MED12L: variants seen among roughly 807,000 people sequenced by gnomAD.
The protein encoded by MED12L is mediator of RNA polymerase II transcription subunit 12-like protein.
Under a neutral mutation model 281.3 loss-of-function variants are expected in MED12L, and 60 were observed. The ratio of observed to expected loss-of-function variants is 0.21; its 90% confidence interval spans 0.17 to 0.26. The LOEUF (loss-of-function observed/expected upper bound fraction) is 0.26. Ranked by LOEUF, MED12L falls within the 10% of genes least tolerant of loss-of-function variation. MED12L has a pLI of 1.00. For missense variants in MED12L, 2,146 were observed against 2,680.9 expected (o/e 0.80, Z 4.41); for synonymous variants, 974 against 987.2 (o/e 0.99, Z 0.25).
intron 43 of MED12L, among the ~76,000 whole-genome samples, chr3:151,427,065 G>T (rs73159938): frequency 2.0e-5 from 3 of 152,014 alleles, no homozygotes; most frequent in Non-Finnish European, 4.4e-5. Context: ...CTGTCTGCTC[G>T]CCTTGGCCTC....
chr3:151,386,391 G>T (rs957429173), intron 36 of MED12L, among the ~76,000 whole-genome samples: 1 of 151,864 alleles, frequency 6.6e-6, no homozygotes, highest in Non-Finnish European at 1.5e-5. Flanking sequence ...GTTTTACTTT[G>T]TTTATTTATA....
intron 17 of MED12L, among the ~76,000 whole-genome samples, chr3:151,353,907 C>T (rs185426228): frequency 0.027 from 4,042 of 151,856 alleles, 55 homozygotes; most frequent in Middle Eastern, 0.078. Flanking sequence ...TTTGGGAGGC[C>T]GAGGCGGGCG....
chr3:151,357,156 G>A, intron 19 of MED12L, 57 bp from the exon 20 acceptor site: 2 of 1,387,998 alleles, frequency 1.4e-6, no homozygotes, highest in Admixed American at 4.5e-5. Context: ...AAAAATAAAT[G>A]TTTTCTCTAT....
chr3:151,264,337 G>T (rs537082156), intron 16 of MED12L, among the ~76,000 whole-genome samples: 1 of 152,324 alleles, frequency 6.6e-6, no homozygotes, highest in South Asian at 2.1e-4. Flanking sequence ...GTAATTATTG[G>T]ACATGCCATC....
chr3:151,221,276 A>G (rs1200424386), intron 16 of MED12L, among the ~76,000 whole-genome samples: 3 of 152,240 alleles, frequency 2.0e-5, no homozygotes, highest in Admixed American at 2.0e-4. Context: ...AAAGTTCAGA[A>G]AATTTGCAGC....
chr3:151,294,418 AG>A, intron 16 of MED12L: 1 of 1,613,976 alleles, frequency 6.2e-7, no homozygotes, highest in Non-Finnish European at 8.5e-7. Flanking sequence ...AGTGACTAAA[AG>A]TAAAAGGAAT....
intron 16 of MED12L, among the ~76,000 whole-genome samples, chr3:151,274,293 C>G (rs1172146434): frequency 6.6e-6 from 1 of 152,084 alleles, no homozygotes; most frequent in East Asian, 1.9e-4. Flanking sequence ...TCAGTGGTAC[C>G]AGTTATAAGG....
chr3:151,204,566 T>A (rs943079557), intron 16 of MED12L, among the ~76,000 whole-genome samples: 1 of 152,244 alleles, frequency 6.6e-6, no homozygotes, highest in Non-Finnish European at 1.5e-5. Context: ...GGAAAGGATC[T>A]TTCTTTTAAG....
chr3:151,329,061 T>A (rs1750044657), intron 16 of MED12L: 1 of 1,312,804 alleles, frequency 7.6e-7, no homozygotes, highest in African/African-American at 1.5e-5. Flanking sequence ...CCCTTCATGA[T>A]TTTCAAATGC....
rs770785481 is a variant in MED12L at position 151,365,127 on chromosome 3, A to G, written c.3106A>G (p.Ser1036Gly). The G allele has an allele frequency of 2.4e-5, 38 of 1,613,978 alleles. No homozygotes were observed. The Admixed American group carries it at 3.3e-4, about 14-fold the overall frequency. ...INYSMLGKILSDNAANRYSFV... is the reference protein window; with the variant it reads ...INYSMLGKILGDNAANRYSFV... ...CTACTCAATGCTGGGCAAGATCCTCAGTGACAATGCGGCCAATCGCTACAG... is the reference window on the plus strand; with the variant it reads ...CTACTCAATGCTGGGCAAGATCCTCGGTGACAATGCGGCCAATCGCTACAG... The change falls in exon 22 of 45, where the codon AGT becomes GGT. Residue 1036 changes from serine (S) to glycine (G), a missense_variant. By Grantham distance (56) the Ser-to-Gly change is moderately conservative (BLOSUM62 0). Transcript: ENST00000687756.
chr3:151,197,294 G>A (rs539685735), intron 16 of MED12L, among the ~76,000 whole-genome samples: 48 of 152,234 alleles, frequency 3.2e-4, no homozygotes, highest in Non-Finnish European at 6.3e-4. Context: ...CTCCTAAGTC[G>A]CTGAGATTAC....
intron 16 of MED12L, among the ~76,000 whole-genome samples, chr3:151,264,501 T>C (rs2149515039): frequency 6.6e-6 from 1 of 152,378 alleles, no homozygotes; most frequent in African/African-American, 2.4e-5. Context: ...TTTATGATTG[T>C]GTAAAGCGCA....
chr3:151,151,279 C>T (rs901290394), intron 5 of MED12L, among the ~76,000 whole-genome samples: 2 of 151,680 alleles, frequency 1.3e-5, no homozygotes, highest in East Asian at 3.9e-4. Context: ...CCACGTGATC[C>T]GCATGCCTCT....
At chr3:151,415,682 A>G (rs1170339272) in intron 42 of MED12L, among the ~76,000 whole-genome samples, 4 of 152,224 alleles carry the variant, frequency 2.6e-5, no homozygotes, top group Non-Finnish European at 4.4e-5. Flanking sequence ...CAAAACAACT[A>G]TTAATATTTT....
Position 151,274,889 on chromosome 3 carries a change from A to C in MED12L, c.2251-75170A>C, listed in dbSNP as rs111903319. The stretch of plus-strand genomic sequence containing the variant: ...GAATGTTGGCTGCCTCATTGTAAGG[A>C]ATCAGTGTTGAATGAATAAATGGCC... On this transcript the variant is annotated intron_variant, in intron 16 of 44. Coordinates refer to ENST00000687756, the MANE Select transcript of MED12L (RefSeq NM_001393769.1). 6.5e-3 allele frequency among the ~76,000 whole-genome samples: 986 copies of C among 152,308 alleles called. 8 individuals carry two copies. Among genetic ancestry groups the C allele is most frequent in the South Asian group, 0.013 (61 of 4,824 alleles).
intron 4 of MED12L, 84 bp downstream of exon 4, chr3:151,123,058 C>T (rs1576774732): frequency 8.2e-7 from 1 of 1,223,382 alleles, no homozygotes; most frequent in East Asian, 2.6e-5. Context: ...TTTGTTTTTC[C>T]CAATTCTTTT....
At chr3:151,164,152 GT>G in intron 9 of MED12L, 110 bp downstream of exon 9, 4 of 1,199,396 alleles carry the variant, frequency 3.3e-6, no homozygotes, top group Non-Finnish European at 1.2e-6. Flanking sequence ...TGCTATCCCA[GT>G]TTTGCCTGCT....
intron 39 of MED12L, among the ~76,000 whole-genome samples, chr3:151,395,926 T>C (rs1714905871): frequency 6.6e-6 from 1 of 152,200 alleles, no homozygotes; most frequent in Non-Finnish European, 1.5e-5. Flanking sequence ...CACTTAGTGA[T>C]GATTTTGGTG....
intron 16 of MED12L, chr3:151,213,932 T>C (rs1363596317): frequency 6.2e-7 from 1 of 1,614,090 alleles, no homozygotes; most frequent in East Asian, 2.2e-5. Flanking sequence ...ATGAAAGAAG[T>C]CCAAAGAGGC....
Sources: allele counts gnomAD v4.1 joint callset (sites outside exome capture counted in the v4.1 genomes callset), GRCh38; gene constraint gnomAD v4.1.1; transcripts MANE v1.5; gene names NCBI Gene and HGNC (gene_info 2026-07-23, HGNC 2026-07-21).